FBXO43: variants seen among roughly 807,000 people sequenced by gnomAD.
FBXO43 encodes the protein F-box protein 43.
In FBXO43, 22 loss-of-function variants were observed where a neutral mutation model predicts 56.7. The ratio of observed to expected loss-of-function variants is 0.39; its 90% CI spans 0.28 to 0.55. The LOEUF is 0.55. Among genes scored for constraint, FBXO43 ranks in the 20% least tolerant of loss-of-function variants. FBXO43 has a pLI of 0.66. For synonymous variants in FBXO43, 306 were observed against 294.5 expected (o/e 1.04, Z -0.40); for missense variants, 733 against 814.9 (o/e 0.90, Z 1.22).
chr8:100,137,537 C>A (rs1814509521), intron 3 of FBXO43, 28 bp downstream of exon 3: 1 of 1,429,048 alleles, frequency 7.0e-7, no homozygotes, highest in Non-Finnish European at 9.8e-7. Flanking sequence ...TATACAAATC[C>A]ATTTTAGAGA....
In FBXO43 at chr8:100,145,091, G is replaced by C. The variant is rs778614662; in HGVS notation, c.45C>G (p.Ala15=). 1.2e-6 allele frequency: 2 copies of C among 1,612,260 alleles called. No homozygotes were observed. The highest frequency in any genetic ancestry group is 1.7e-6 in the Non-Finnish European group (2 of 1,178,834). ...AGCTCTTAGATGTCAAAGTTACGTA[G>C]GCTTCCAAACAAGAAATTCTCTCAT... ...DKDERISCLE[A]YVTLTSKSSR... The change falls in exon 1 of 5, where the codon GCC becomes GCG. Residue 15 remains alanine, a synonymous_variant. Transcript: ENST00000428847.
Position 100,133,915 on chromosome 8 carries a change from GACATAAC to G in FBXO43, c.2007_2013del (p.Leu670CysfsTer34). On this transcript the variant is annotated frameshift_variant, in exon 5 of 5. Coordinates refer to ENST00000428847, the MANE Select transcript of FBXO43 (RefSeq NM_001029860.4). LOFTEE classifies it high-confidence loss of function. ...TCTTCAGACCCATGATAAGCACACA[GACATAAC>G]ACACAAAAGTCAAAACCACAGGCTG... 12 of 1,614,058 alleles carry G rather than the reference GACATAAC, an allele frequency of 7.4e-6. No homozygotes were observed. The highest frequency in any genetic ancestry group is 1.0e-5 in the Non-Finnish European group (12 of 1,180,000).
In FBXO43 at chr8:100,145,236, G is replaced by T; in HGVS notation, c.-101C>A. On this transcript the variant is annotated 5_prime_UTR_variant, in exon 1 of 5. Transcript: ENST00000428847. The stretch of plus-strand genomic sequence containing the variant: ...CTCAAAGTCGAAGGGTACACAGGGT[G>T]CATGCCGCAGGGATTATTCCTAACA... 2 of 839,342 alleles carry T rather than the reference G, an allele frequency of 2.4e-6. No homozygotes were observed. Among genetic ancestry groups the T allele is most frequent in the Non-Finnish European group, 3.6e-6 (2 of 551,876 alleles). 52.0% of individuals were successfully genotyped at this position (839,342 alleles called of 1,614,324 possible).
At chr8:100,136,931 A>G (rs933320316) in intron 3 of FBXO43, 1 of 152,252 alleles carries the variant, frequency 6.6e-6, no homozygotes, top group Non-Finnish European at 1.5e-5. Flanking sequence ...ATGTCCACTC[A>G]AAAGACTCGG....
chr8:100,144,673 CG>C lies in FBXO43; in HGVS notation c.85+377del, dbSNP rs1814765554. Reference sequence around the variant, plus strand: ...GCGGCCGGGCGCGGTGGCTCACGCCCGTAATCCCAGCACTTTGGGAGGCCGG... The same window carrying C: ...GCGGCCGGGCGCGGTGGCTCACGCCCTAATCCCAGCACTTTGGGAGGCCGG... On this transcript the variant is annotated intron_variant, in intron 1 of 4. Coordinates refer to ENST00000428847, the MANE Select transcript of FBXO43 (RefSeq NM_001029860.4). Among the ~76,000 whole-genome samples, 5 of 149,694 alleles carry C rather than the reference CG, an allele frequency of 3.3e-5. No individual in the cohort carries two copies. The South Asian group carries it at 1.1e-3, about 32-fold the overall frequency.
At chr8:100,143,776 T>C (rs1283962374) in intron 1 of FBXO43, among the ~76,000 whole-genome samples, 4 of 152,204 alleles carry the variant, frequency 2.6e-5, no homozygotes, top group Admixed American at 1.3e-4. Context: ...ATTTTTAATT[T>C]TTTTATTTTT....
chr8:100,149,649 G>T (rs1441574845), upstream of FBXO43, among the ~76,000 whole-genome samples: 1 of 152,148 alleles, frequency 6.6e-6, no homozygotes, highest in Admixed American at 6.5e-5. Context: ...AGATGCAACA[G>T]AAGGAGTTTG....
chr8:100,149,160 G>C (rs1021201732), upstream of FBXO43, among the ~76,000 whole-genome samples: 3 of 152,174 alleles, frequency 2.0e-5, no homozygotes, highest in Admixed American at 1.3e-4. Flanking sequence ...GTTGGATTGG[G>C]AACTAGCACC....
rs752641934 is a variant in FBXO43, at chr8:100,141,056, T to C, written c.1198A>G (p.Lys400Glu). The part of the protein sequence containing the change: ...QSSQSETEEE[K>E]QIVHPDSEKR... ...TCAGAGTCAGGGTGGACAATCTGCT[T>C]TTCCTCTTCTGTCTCTGACTGCGAG... The change falls in exon 2 of 5, where the codon AAG (lysine) becomes GAG (glutamate). Residue 400 changes from lysine (K) to glutamate (E), a missense_variant. Coordinates refer to ENST00000428847, the MANE Select transcript of FBXO43 (RefSeq NM_001029860.4). 4 of 1,614,094 alleles carry C rather than the reference T, an allele frequency of 2.5e-6. No homozygotes were observed. The East Asian group carries it at 6.7e-5, about 27-fold the overall frequency.
At chr8:100,150,012 G>C (rs1371188105), upstream of FBXO43, among the ~76,000 whole-genome samples, 1 of 152,170 alleles carries the variant, frequency 6.6e-6, no homozygotes, top group African/African-American at 2.4e-5. Context: ...ATAGAACGGA[G>C]GGCGGGTGAG....
chr8:100,137,970 T>C (rs567433125), intron 2 of FBXO43, among the ~76,000 whole-genome samples: 1 of 152,298 alleles, frequency 6.6e-6, no homozygotes, highest in African/African-American at 2.4e-5. Flanking sequence ...AATGTAACAT[T>C]AAAAATTTGG....
Position 100,133,559 on chromosome 8 carries a change from C to A in FBXO43, c.*243G>T. ...AAAACAATAAAGTACATACATATAACAACAATGAAAATTCTTTATTTAAAA... is the reference window on the plus strand; with the variant it reads ...AAAACAATAAAGTACATACATATAAAAACAATGAAAATTCTTTATTTAAAA... On this transcript the variant is annotated 3_prime_UTR_variant, in exon 5 of 5. Transcript: ENST00000428847. The A allele has an allele frequency of 2.7e-6, 1 of 376,926 alleles. No individual in the cohort carries two copies. The highest frequency in any genetic ancestry group is 4.7e-6 in the Non-Finnish European group (1 of 212,464). The allele number at this position is 376,926 out of a possible 1,614,324, so 23.3% of individuals were successfully genotyped here. A position where few individuals can be genotyped will look rare whatever the true frequency, so the allele number is the denominator to read the frequency against.
Position 100,145,163 on chromosome 8 carries a change from A to C in FBXO43, c.-28T>G, listed in dbSNP as rs759640054. 6.3e-7 allele frequency: 1 copy of C among 1,590,362 alleles called. No individual in the cohort carries two copies. The highest frequency in any genetic ancestry group is 1.1e-5 in the South Asian group (1 of 87,852). On this transcript the variant is annotated 5_prime_UTR_variant, in exon 1 of 5. Coordinates refer to ENST00000428847, the MANE Select transcript of FBXO43 (RefSeq NM_001029860.4). ...CAAAATAATGCCACTTAAAGAGGAA[A>C]ACTTTAGTTTGCACAATTAATTGAA...
chr8:100,141,639 A>C lies in FBXO43; in HGVS notation c.615T>G (p.Pro205=), dbSNP rs1220608582. 1.2e-6 allele frequency: 2 copies of C among 1,613,344 alleles called. No homozygotes were observed. The highest frequency in any genetic ancestry group is 2.2e-5 in the South Asian group (2 of 91,020). The change falls in exon 2 of 5, where the codon CCT becomes CCG. Residue 205 remains proline (P), a synonymous_variant. Coordinates refer to ENST00000428847, the MANE Select transcript of FBXO43 (RefSeq NM_001029860.4). The part of the protein sequence containing the change: ...SGFSRANNFS[P]LVTSTLKTEE... ...CTGTTTTTAAAGTGCTAGTAACTAA[A>C]GGGCTAAAATTATTTGCCCTGGAAA...
At chr8:100,139,874 G>A (rs1261634130) in intron 2 of FBXO43, among the ~76,000 whole-genome samples, 1 of 152,112 alleles carries the variant, frequency 6.6e-6, no homozygotes, top group Non-Finnish European at 1.5e-5. Context: ...ACCCTAAAAT[G>A]AAAGCTAACG....
chr8:100,141,787 C>T lies in FBXO43; in HGVS notation c.467G>A (p.Arg156Lys), dbSNP rs781575438. The T allele has an allele frequency of 5.0e-6, 8 of 1,584,534 alleles. No individual in the cohort carries two copies. Among genetic ancestry groups the T allele is most frequent in the African/African-American group, 1.4e-5 (1 of 73,266 alleles). The change falls in exon 2 of 5, where the codon AGA becomes AAA. Residue 156 changes from arginine (R) to lysine (K), a missense_variant. By Grantham distance (26) the Arg-to-Lys change is conservative. Coordinates refer to ENST00000428847, the MANE Select transcript of FBXO43 (RefSeq NM_001029860.4). ...AAGAGCGAAAGATACATTCAACCTTCTGCGAGGTAAACATTTTTTCCCACT... is the reference window on the plus strand; with the variant it reads ...AAGAGCGAAAGATACATTCAACCTTTTGCGAGGTAAACATTTTTTCCCACT... The part of the protein sequence containing the change: ...KISGKKCLPR[R>K]RLNVSFALLK...
chr8:100,146,771 C>T (rs950614136), upstream of FBXO43, among the ~76,000 whole-genome samples: 1 of 152,136 alleles, frequency 6.6e-6, no homozygotes, highest in South Asian at 2.1e-4. Flanking sequence ...ACTTTTAAGC[C>T]AATAACAGGC....
At chr8:100,147,088 T>A (rs1456320756), upstream of FBXO43, among the ~76,000 whole-genome samples, 1 of 152,202 alleles carries the variant, frequency 6.6e-6, no homozygotes, top group Non-Finnish European at 1.5e-5. Flanking sequence ...CCTCAGGTGA[T>A]CCACCTGCCT....
At chr8:100,146,786 C>T (rs150051146), upstream of FBXO43, among the ~76,000 whole-genome samples, 1 of 152,332 alleles carries the variant, frequency 6.6e-6, no homozygotes, top group East Asian at 1.9e-4. Flanking sequence ...ACAGGCACTA[C>T]CACCACTCTT....
Sources: allele counts gnomAD v4.1 joint callset (sites outside exome capture counted in the v4.1 genomes callset), GRCh38; gene constraint gnomAD v4.1.1; transcripts MANE v1.5; gene names NCBI Gene and HGNC (gene_info 2026-07-23, HGNC 2026-07-21).